The following TUSC3 variants were observed in gnomAD, a reference collection of about 807,000 sequenced individuals.
TUSC3 encodes the protein tumor suppressor candidate 3.
In TUSC3, 45 loss-of-function variants were observed where a neutral mutation model predicts 44.8. The ratio of observed to expected loss-of-function variants is 1.00; its 90% CI spans 0.79 to 1.29. TUSC3 has a LOEUF of 1.29. TUSC3 is among the 50% of genes most tolerant of loss of function. The probability of loss-of-function intolerance (pLI) is 0.00; values close to 1 mark genes in which losing one functional copy is unlikely to be tolerated. For synonymous variants in TUSC3, 212 were observed against 152.9 expected, an observed-to-expected ratio of 1.39 and a Z score of -2.85; for missense variants, 519 against 437.9, an observed-to-expected ratio of 1.19 and a Z score of -1.65.
chr8:15,422,021 C>A (rs1799744171), intron 1 of TUSC3, among the ~76,000 whole-genome samples: 1 of 152,124 alleles, frequency 6.6e-6, no homozygotes, highest in Non-Finnish European at 1.5e-5. Context: ...CCTTTCCTTT[C>A]TTGAGTTCCA....
At chr8:15,638,544 A>G (rs1274019969) in intron 2 of TUSC3, among the ~76,000 whole-genome samples, 3 of 121,188 alleles carry the variant, frequency 2.5e-5, no homozygotes, top group Admixed American at 9.9e-5. Context: ...TTTTTTGGAG[A>G]CAAGAGTCTC....
downstream of TUSC3, among the ~76,000 whole-genome samples, chr8:15,769,677 C>G (rs1232648967): frequency 1.3e-5 from 2 of 152,088 alleles, no homozygotes; most frequent in South Asian, 4.1e-4. Flanking sequence ...TGCAATCTAT[C>G]CATCTGACAA....
chr8:15,800,555 G>C, the TUSC3 span, among the ~76,000 whole-genome samples: 1 of 151,118 alleles, frequency 6.6e-6, no homozygotes, highest in Admixed American at 6.6e-5. Context: ...CCTGGATTTT[G>C]GGAGTGAGAC....
chr8:15,792,818 C>A, the TUSC3 span, among the ~76,000 whole-genome samples: 2 of 151,918 alleles, frequency 1.3e-5, no homozygotes, highest in African/African-American at 4.8e-5. Flanking sequence ...AGGGTTTTGC[C>A]ACGTTGCCCA....
intron 8 of TUSC3, among the ~76,000 whole-genome samples, chr8:15,746,816 ATAAT>A (rs1395070583): frequency 1.3e-5 from 2 of 152,156 alleles, no homozygotes; most frequent in African/African-American, 4.8e-5. Flanking sequence ...TATAGAGTAA[ATAAT>A]TTTGTAATTA....
chr8:15,692,392 T>C (rs1482609209), intron 6 of TUSC3, among the ~76,000 whole-genome samples: 1 of 146,048 alleles, frequency 6.8e-6, no homozygotes, highest in African/African-American at 2.5e-5. Flanking sequence ...TTTTTTTTTT[T>C]TTTTTTTGCA....
chr8:15,521,443 C>T (rs1181099435), intron 2 of TUSC3, among the ~76,000 whole-genome samples: 1 of 152,148 alleles, frequency 6.6e-6, no homozygotes, highest in Non-Finnish European at 1.5e-5. Flanking sequence ...GTTTGTAAAT[C>T]TACAACCAAC....
chr8:15,720,462 G>A (rs1051667088), intron 6 of TUSC3, among the ~76,000 whole-genome samples: 1 of 152,042 alleles, frequency 6.6e-6, no homozygotes, highest in Admixed American at 6.6e-5. Context: ...ATGTTATATA[G>A]GCCTAATGTC....
chr8:15,757,928 A>G (rs750989098), intron 10 of TUSC3, 73 bp downstream of exon 10: 1 of 1,486,354 alleles, frequency 6.7e-7, no homozygotes, highest in Non-Finnish European at 9.3e-7. Flanking sequence ...CATTTATCTC[A>G]TAAGACAAGT....
chr8:15,535,398 G>T (rs969687819), upstream of TUSC3, among the ~76,000 whole-genome samples: 3 of 152,172 alleles, frequency 2.0e-5, no homozygotes, highest in Admixed American at 6.5e-5. Flanking sequence ...GTGCTTTAGG[G>T]AATAAACAGA....
chr8:15,569,225 A>G (rs6989222), intron 1 of TUSC3, among the ~76,000 whole-genome samples: 4,228 of 152,238 alleles, frequency 0.028, 191 homozygotes, highest in African/African-American at 0.095. Flanking sequence ...TGTAAGATAG[A>G]TAAGCTACTA....
chr8:15,806,371 C>T, the TUSC3 span: 1 of 735,970 alleles, frequency 1.4e-6, no homozygotes, highest in Admixed American at 1.7e-5. Flanking sequence ...AGGTACTTGC[C>T]CAACTCTGCC....
At chr8:15,704,048 A>G (rs148566133) in intron 6 of TUSC3, among the ~76,000 whole-genome samples, 1,008 of 152,184 alleles carry the variant, frequency 6.6e-3, no homozygotes, top group Middle Eastern at 0.014. Flanking sequence ...AAAAGCAAAT[A>G]TGTCAGGTGG....
At chr8:15,827,884 G>C in the TUSC3 span, among the ~76,000 whole-genome samples, 5 of 152,030 alleles carry the variant, frequency 3.3e-5, no homozygotes, top group Admixed American at 1.3e-4. Context: ...ATATATGCAG[G>C]ACCCAAATTT....
At chr8:15,709,560 A>G (rs540415469) in intron 6 of TUSC3, among the ~76,000 whole-genome samples, 1 of 151,954 alleles carries the variant, frequency 6.6e-6, no homozygotes, top group East Asian at 1.9e-4. Context: ...AGCCATTTAT[A>G]TACTCCATAT....
At chr8:15,824,009 T>G in the TUSC3 span, among the ~76,000 whole-genome samples, 1 of 152,140 alleles carries the variant, frequency 6.6e-6, no homozygotes, top group Admixed American at 6.5e-5. Context: ...TTTAAAAAGG[T>G]TTTGGTTCTC....
chr8:15,587,663 CT>C (rs1803655043), intron 1 of TUSC3, among the ~76,000 whole-genome samples: 3 of 152,140 alleles, frequency 2.0e-5, no homozygotes, highest in African/African-American at 7.2e-5. Context: ...AACACTAGAA[CT>C]TATTCCTCCT....
chr8:15,649,473 G>A (rs1362591520), intron 2 of TUSC3, among the ~76,000 whole-genome samples: 3 of 151,836 alleles, frequency 2.0e-5, no homozygotes, highest in South Asian at 2.1e-4. Flanking sequence ...AGTCCCAGCT[G>A]CTTGGGAGGC....
intron 3 of TUSC3, among the ~76,000 whole-genome samples, chr8:15,652,293 C>T (rs938377706): frequency 6.6e-6 from 1 of 152,094 alleles, no homozygotes; most frequent in African/African-American, 2.4e-5. Flanking sequence ...TGTATATCAC[C>T]ATTAGTGAAC....
Sources: gnomAD v4.1 joint callset for allele counts (sites outside exome capture counted in the v4.1 genomes callset) on GRCh38, gnomAD v4.1.1 for gene constraint, MANE v1.5 for transcripts, NCBI Gene and HGNC (gene_info 2026-07-23, HGNC 2026-07-21) for gene names.